CBLB: variants seen among roughly 807,000 people sequenced by gnomAD.
CBLB encodes E3 ubiquitin-protein ligase CBL-B.
In CBLB, 31 loss-of-function variants were observed where a neutral mutation model predicts 104.9. The ratio of observed to expected loss-of-function variants is 0.30; its 90% CI spans 0.22 to 0.40. The LOEUF (loss-of-function observed/expected upper bound fraction) is 0.40, where lower values mean the gene tolerates loss of function less well. CBLB is among the 10% of genes least tolerant of loss of function. The pLI is 1.00. For synonymous variants in CBLB, 440 were observed against 422.6 expected (o/e 1.04, Z -0.51); for missense variants, 1,062 against 1,214.6 (o/e 0.87, Z 1.87).
intron 9 of CBLB, among the ~76,000 whole-genome samples, chr3:105,721,177 T>C (rs1381475214): frequency 6.6e-6 from 1 of 152,136 alleles, no homozygotes; most frequent in African/African-American, 2.4e-5. Context: ...AATCACAAAA[T>C]TACTTTAAGG....
chr3:105,755,011 CTTTT>C (rs2076953280), intron 4 of CBLB, among the ~76,000 whole-genome samples: 1 of 124,326 alleles, frequency 8.0e-6, no homozygotes, highest in Admixed American at 9.5e-5. Flanking sequence ...AAAACAGTAT[CTTTT>C]CTTTTTTTTT....
intron 10 of CBLB, 119 bp from the exon 11 acceptor site, chr3:105,704,292 T>C (rs1053444396): frequency 7.8e-6 from 7 of 897,518 alleles, no homozygotes; most frequent in Non-Finnish European, 1.3e-5. Flanking sequence ...TTAAAATGAA[T>C]TCCCTTAGTT....
At chr3:105,729,171 A>G (rs1383695190) in intron 9 of CBLB, among the ~76,000 whole-genome samples, 1 of 152,126 alleles carries the variant, frequency 6.6e-6, no homozygotes, top group Non-Finnish European at 1.5e-5. Context: ...GTAAGAAAAA[A>G]TGTCTAGCAG....
At chr3:105,742,522 G>T (rs2152885588) in intron 6 of CBLB, among the ~76,000 whole-genome samples, 1 of 152,142 alleles carries the variant, frequency 6.6e-6, no homozygotes, top group South Asian at 2.1e-4. Context: ...ATATCAATCT[G>T]TCAACTATTG....
At chr3:105,739,175 GC>G (rs1245014281) in intron 7 of CBLB, among the ~76,000 whole-genome samples, 1 of 152,188 alleles carries the variant, frequency 6.6e-6, no homozygotes, top group East Asian at 1.9e-4. Flanking sequence ...CTCCCAAAAT[GC>G]TGGGATTACA....
At chr3:105,737,583 T>C (rs2075089810) in intron 7 of CBLB, among the ~76,000 whole-genome samples, 2 of 152,184 alleles carry the variant, frequency 1.3e-5, no homozygotes, top group Non-Finnish European at 2.9e-5. Context: ...CCAAAACACT[T>C]TGAAGATATA....
intron 3 of CBLB, among the ~76,000 whole-genome samples, chr3:105,807,170 T>C (rs1429016275): frequency 1.3e-5 from 2 of 152,240 alleles, no homozygotes; most frequent in Non-Finnish European, 2.9e-5. Flanking sequence ...TTTCTGCTAA[T>C]ACATTCAAAT....
At chr3:105,723,528 C>T (rs1322190856) in intron 9 of CBLB, among the ~76,000 whole-genome samples, 2 of 152,090 alleles carry the variant, frequency 1.3e-5, no homozygotes, top group Non-Finnish European at 2.9e-5. Context: ...ACTCACATTT[C>T]AACCATTAAT....
chr3:105,779,726 T>A (rs570948665), intron 3 of CBLB, among the ~76,000 whole-genome samples: 1 of 152,252 alleles, frequency 6.6e-6, no homozygotes, highest in East Asian at 1.9e-4. Context: ...TGGTATCTAA[T>A]TTCATTTAAA....
chr3:105,727,388 TTGAC>T (rs1238096476), intron 9 of CBLB, among the ~76,000 whole-genome samples: 1 of 152,206 alleles, frequency 6.6e-6, no homozygotes. Flanking sequence ...CGCCCACTTT[TTGAC>T]TTTGTTTTTT....
intron 4 of CBLB, among the ~76,000 whole-genome samples, chr3:105,761,938 A>AG (rs1456682602): frequency 2.6e-5 from 4 of 152,188 alleles, no homozygotes; most frequent in African/African-American, 9.7e-5. Context: ...AGGTGGACTG[A>AG]GATGGAGATG....
At chr3:105,853,854 C>T (rs2091261107) in intron 2 of CBLB, among the ~76,000 whole-genome samples, 190 bp from the exon 3 acceptor site, 1 of 152,088 alleles carries the variant, frequency 6.6e-6, no homozygotes, top group South Asian at 2.1e-4. Flanking sequence ...TGTTCTCCTA[C>T]CATTCAATCT....
intron 9 of CBLB, among the ~76,000 whole-genome samples, chr3:105,722,598 G>A (rs965772552): frequency 4.8e-5 from 7 of 147,008 alleles, no homozygotes; most frequent in Admixed American, 3.4e-4. Context: ...CCACCCAATC[G>A]AAATCATGAA....
At chr3:105,776,590 T>A in intron 3 of CBLB, 48 bp from the exon 4 acceptor site, 1 of 1,515,660 alleles carries the variant, frequency 6.6e-7, no homozygotes, top group Non-Finnish European at 9.1e-7. Context: ...AACACCTAGA[T>A]GCATGCAAAT....
At chr3:105,719,324 C>T (rs2072414748) in intron 10 of CBLB, among the ~76,000 whole-genome samples, 1 of 152,182 alleles carries the variant, frequency 6.6e-6, no homozygotes, top group South Asian at 2.1e-4. Flanking sequence ...CTCTCATTAC[C>T]TCTCATTATG....
At chr3:105,841,298 A>AG (rs1287678204) in intron 3 of CBLB, among the ~76,000 whole-genome samples, 1 of 150,708 alleles carries the variant, frequency 6.6e-6, no homozygotes, top group African/African-American at 2.4e-5. Flanking sequence ...TTCATTTCAA[A>AG]AAAAAAAAAA....
At position 105,658,635 on chromosome 3, in the gene CBLB, A is replaced by C; in HGVS notation, c.*335T>G. The C allele has an allele frequency of 2.5e-6, 1 of 398,366 alleles. No individual in the cohort carries two copies. The highest frequency in any genetic ancestry group is 4.6e-6 in the Non-Finnish European group (1 of 217,198). The allele number at this position is 398,366 out of a possible 1,614,324, so 24.7% of individuals were successfully genotyped here. The stretch of plus-strand genomic sequence containing the variant: ...GGTATCAAAACACCAAAACAAAACT[A>C]AACTAAAAACAAGAACAAACTGCAA... On this transcript the variant is annotated 3_prime_UTR_variant, in exon 19 of 19. Transcript: ENST00000394030.
intron 4 of CBLB, among the ~76,000 whole-genome samples, chr3:105,764,756 A>C (rs1366998496): frequency 5.9e-5 from 9 of 152,228 alleles, no homozygotes; most frequent in Admixed American, 3.9e-4. Context: ...CAGTTAGGCA[A>C]GTTGTGAATG....
At position 105,770,775 on chromosome 3, in the gene CBLB, C is replaced by T. The variant is rs115387199; in HGVS notation, c.566+5621G>A. ...AGGTCTGAGTTCTGTCTATAGACTA[C>T]CTGGATCTAAACCAAGCATTGTTAG... On this transcript the variant is annotated intron_variant, in intron 4 of 18. Transcript: ENST00000394030. Among the ~76,000 whole-genome samples, 389 of 152,232 alleles carry T rather than the reference C, an allele frequency of 2.6e-3. 1 individual carries two copies. The highest frequency in any genetic ancestry group is 4.7e-3 in the Non-Finnish European group (323 of 68,010).
Sources: gnomAD v4.1 joint callset for allele counts (sites outside exome capture counted in the v4.1 genomes callset) on GRCh38, gnomAD v4.1.1 for gene constraint, MANE v1.5 for transcripts, NCBI Gene and HGNC (gene_info 2026-07-23, HGNC 2026-07-21) for gene names.